The following MCCC1 variants were observed in gnomAD, a reference collection of about 807,000 sequenced individuals.
MCCC1 encodes the protein methylcrotonyl-CoA carboxylase subunit 1, also known as methylcrotonoyl-CoA carboxylase subunit alpha, mitochondrial.
A neutral mutation model predicts 83.8 loss-of-function variants in MCCC1; 64 were observed. The observed-to-expected ratio is 0.76, with a 90% CI of 0.62 to 0.94. The LOEUF (loss-of-function observed/expected upper bound fraction) is 0.94, where lower values mean the gene tolerates loss of function less well. Ranked by LOEUF, MCCC1 falls within the 40% of genes least tolerant of loss-of-function variation. The pLI, the probability that MCCC1 is intolerant of heterozygous loss-of-function variation, is 0.00. For synonymous variants in MCCC1, 322 were observed against 315.4 expected, an observed-to-expected ratio of 1.02 and a Z score of -0.22; for missense variants, 807 against 904.7, an observed-to-expected ratio of 0.89 and a Z score of 1.39.
intron 9 of MCCC1, 150 bp from the exon 10 acceptor site, chr3:183,045,690 C>A: frequency 2.4e-6 from 2 of 849,372 alleles, no homozygotes; most frequent in South Asian, 3.1e-5. Context: ...GCATTTGCAG[C>A]AGCATATGAA....
chr3:183,057,101 C>CATG (rs1215086611), intron 8 of MCCC1, among the ~76,000 whole-genome samples: 1 of 152,178 alleles, frequency 6.6e-6, no homozygotes, highest in Non-Finnish European at 1.5e-5. Context: ...CCAGAAGGAA[C>CATG]ATGACCCTGT....
At chr3:183,060,641 T>C (rs182367969) in intron 7 of MCCC1, among the ~76,000 whole-genome samples, 1 of 152,318 alleles carries the variant, frequency 6.6e-6, no homozygotes, top group Non-Finnish European at 1.5e-5. Flanking sequence ...TTGTTACATA[T>C]GTATACATGC....
intron 4 of MCCC1, among the ~76,000 whole-genome samples, chr3:183,078,051 G>A (rs757435688): frequency 3.3e-5 from 5 of 151,962 alleles, no homozygotes; most frequent in African/African-American, 4.8e-5. Context: ...ACAGAGCCTC[G>A]CAGTGTCTCC....
At chr3:183,038,101 G>GTAATGA (rs1713775193) in intron 12 of MCCC1, among the ~76,000 whole-genome samples, 1 of 152,174 alleles carries the variant, frequency 6.6e-6, no homozygotes, top group Non-Finnish European at 1.5e-5. Context: ...AGGCACTGGG[G>GTAATGA]ACATAGTGAG....
In MCCC1 at chr3:183,071,483, C is replaced by T. The variant is rs6772568; in HGVS notation, c.492-126G>A. The stretch of plus-strand genomic sequence containing the variant: ...TTTAAAGAAAACATCGAGTCTGAGA[C>T]GACAAAATAATACAAATTTAATATG... On this transcript the variant is annotated intron_variant, in intron 5 of 18. Transcript: ENST00000265594. The T allele has an allele frequency of 5.1e-3, 6,896 of 1,352,454 alleles. 297 individuals are homozygous for T. In the African/African-American group the frequency reaches 0.089, roughly 17 times the overall value. 83.8% of individuals were successfully genotyped at this position (1,352,454 alleles called of 1,614,324 possible). A position where few individuals can be genotyped will look rare whatever the true frequency, so the allele number is the denominator to read the frequency against.
intron 18 of MCCC1, 100 bp from the exon 19 acceptor site, chr3:183,015,666 C>A: frequency 7.0e-7 from 1 of 1,430,098 alleles, no homozygotes; most frequent in Non-Finnish European, 9.8e-7. Flanking sequence ...AAACTGTAGC[C>A]AACTTTGATG....
intron 9 of MCCC1, among the ~76,000 whole-genome samples, chr3:183,050,056 G>A (rs1224846248): frequency 1.3e-5 from 2 of 151,796 alleles, no homozygotes; most frequent in Non-Finnish European, 2.9e-5. Context: ...GGAAGTGGAG[G>A]TTGCAGTGAG....
At chr3:183,111,799 C>A (rs1015167727) in intron 1 of MCCC1, among the ~76,000 whole-genome samples, 2 of 151,930 alleles carry the variant, frequency 1.3e-5, no homozygotes, top group African/African-American at 4.8e-5. Context: ...GAAATTTGAA[C>A]CTGTGCCTCA....
chr3:183,023,819 A>C (rs1389709787), intron 15 of MCCC1, among the ~76,000 whole-genome samples: 5 of 152,082 alleles, frequency 3.3e-5, no homozygotes. Flanking sequence ...TAAACCATTT[A>C]AGCATTCCAT....
chr3:183,024,037 G>T (rs1297710166), intron 15 of MCCC1, among the ~76,000 whole-genome samples: 2 of 152,136 alleles, frequency 1.3e-5, no homozygotes, highest in African/African-American at 4.8e-5. Flanking sequence ...GATCACCTGG[G>T]GTCGGGAGTT....
chr3:183,067,574 T>C (rs1716347816), intron 7 of MCCC1, among the ~76,000 whole-genome samples: 1 of 152,252 alleles, frequency 6.6e-6, no homozygotes. Flanking sequence ...GTCTCATCAG[T>C]TGTTTTTGAG....
At chr3:183,020,638 A>T (rs1281138092) in intron 16 of MCCC1, among the ~76,000 whole-genome samples, 2 of 152,068 alleles carry the variant, frequency 1.3e-5, no homozygotes, top group South Asian at 2.1e-4. Context: ...CTCAAAAAAA[A>T]AAATAAATTA....
chr3:183,092,237 C>T, intron 3 of MCCC1, 172 bp downstream of exon 3: 1 of 735,966 alleles, frequency 1.4e-6, no homozygotes, highest in Non-Finnish European at 2.3e-6. Context: ...CCGCTTAGTT[C>T]AACTGATGTT....
At chr3:183,025,602 CAAATTGGGTCTGAAATACAAGCATAAGA>C (rs1712529699) in intron 15 of MCCC1, among the ~76,000 whole-genome samples, 125 bp downstream of exon 15, 1 of 152,136 alleles carries the variant, frequency 6.6e-6, no homozygotes, top group Non-Finnish European at 1.5e-5. Context: ...GTAATTTCCC[CAAATTGGGTCTGAAATACAAGCATAAGA>C]TATTCTCTTA....
chr3:183,036,859 G>A (rs1421313266), intron 13 of MCCC1, among the ~76,000 whole-genome samples: 1 of 151,862 alleles, frequency 6.6e-6, no homozygotes, highest in Non-Finnish European at 1.5e-5. Context: ...ATTTTTAGTA[G>A]AGATGGGGTT....
rs1715437313 is a variant in MCCC1, at chr3:183,056,563, G to GT, written c.873+747dup. Reference sequence around the variant, plus strand: ...CTCTCTCTTCTCTATAATATAACCAGTAAGGCAGGAAAATCTCTCACATAT... The same window carrying GT: ...CTCTCTCTTCTCTATAATATAACCAGTTAAGGCAGGAAAATCTCTCACATAT... On this transcript the variant is annotated intron_variant, in intron 8 of 18. Transcript: ENST00000265594. 3.9e-5 allele frequency among the ~76,000 whole-genome samples: 6 copies of GT among 152,126 alleles called. No individual in the cohort carries two copies. In the South Asian group the frequency reaches 1.2e-3, roughly 31 times the overall value.
intron 15 of MCCC1, among the ~76,000 whole-genome samples, chr3:183,023,756 C>T (rs1271039948): frequency 6.6e-6 from 1 of 152,102 alleles, no homozygotes; most frequent in African/African-American, 2.4e-5. Context: ...TTATTCTATT[C>T]CCTGAAGTTG....
chr3:183,076,739 A>T (rs1438009867), intron 4 of MCCC1, among the ~76,000 whole-genome samples: 1 of 152,208 alleles, frequency 6.6e-6, no homozygotes, highest in South Asian at 2.1e-4. Context: ...AGTTGTTGAG[A>T]TATAATTCAT....
chr3:183,031,823 T>C (rs202109029), intron 14 of MCCC1, among the ~76,000 whole-genome samples: 2 of 134,912 alleles, frequency 1.5e-5, no homozygotes, highest in East Asian at 2.2e-4. Context: ...TTTTTTTTTT[T>C]CCTTTTTAAA....
Sources: allele counts gnomAD v4.1 joint callset (sites outside exome capture counted in the v4.1 genomes callset), GRCh38; gene constraint gnomAD v4.1.1; transcripts MANE v1.5; gene names NCBI Gene and HGNC (gene_info 2026-07-23, HGNC 2026-07-21).